Variants in UBE3D observed in about 807,000 individuals in gnomAD.
UBE3D encodes ubiquitin protein ligase E3D, also known as E3 ubiquitin-protein ligase E3D.
In UBE3D, 48 loss-of-function variants were observed where a neutral mutation model predicts 49.6. The ratio of observed to expected loss-of-function variants is 0.97; its 90% CI spans 0.77 to 1.23. The LOEUF is 1.23. UBE3D is among the 50% of genes most tolerant of loss of function. The pLI, the probability that UBE3D is intolerant of heterozygous loss-of-function variation, is 0.00. For synonymous variants in UBE3D, 189 were observed against 174.2 expected (o/e 1.08, Z -0.67); for missense variants, 452 against 468.4 (o/e 0.96, Z 0.32).
intron 9 of UBE3D, among the ~76,000 whole-genome samples, chr6:82,923,002 C>A (rs1198551654): frequency 1.3e-5 from 2 of 152,176 alleles, no homozygotes; most frequent in African/African-American, 4.8e-5. Context: ...ATCAAAACCA[C>A]AATGAGATAC....
intron 8 of UBE3D, among the ~76,000 whole-genome samples, chr6:83,014,126 G>A (rs556735052): frequency 1.1e-4 from 17 of 152,354 alleles, no homozygotes; most frequent in African/African-American, 1.9e-4. Flanking sequence ...ATCTGGTACT[G>A]CAGTTGCAAT....
chr6:83,059,906 CAGG>C (rs1366779991), intron 1 of UBE3D, among the ~76,000 whole-genome samples: 1 of 152,160 alleles, frequency 6.6e-6, no homozygotes, highest in African/African-American at 2.4e-5. Flanking sequence ...GAAATCTGAA[CAGG>C]AGGTGAGGCC....
chr6:82,993,121 G>GGAGAGA lies in UBE3D; in HGVS notation c.1010+25846_1010+25851dup, dbSNP rs376760223. Among the ~76,000 whole-genome samples, 8 of 149,900 alleles carry GGAGAGA rather than the reference G, an allele frequency of 5.3e-5. No individual in the cohort carries two copies. The South Asian group carries it at 1.1e-3, about 20-fold the overall frequency. On this transcript the variant is annotated intron_variant, in intron 8 of 9. Transcript: ENST00000369747. ...ACAGAGAAAGAAACGGGGTCGGGGG[G>GGAGAGA]GAGAGAGAGAGAGAGAGAGACAGAG...
intron 8 of UBE3D, among the ~76,000 whole-genome samples, chr6:83,002,427 G>A (rs952766424): frequency 1.3e-5 from 2 of 152,178 alleles, no homozygotes; most frequent in African/African-American, 4.8e-5. Context: ...GCTCACCCCT[G>A]TAATCCCAGC....
intron 1 of UBE3D, among the ~76,000 whole-genome samples, chr6:83,063,412 T>TAAAAAAAAAAAAAAAAA (rs201669450): frequency 7.0e-4 from 32 of 45,454 alleles, no homozygotes; most frequent in African/African-American, 1.1e-3. Flanking sequence ...AGACGCTGTC[T>TAAAAAAAAAAAAAAAAA]AAAAAAAAAA....
intron 5 of UBE3D, among the ~76,000 whole-genome samples, chr6:83,035,303 T>A (rs1413772093): frequency 6.6e-6 from 1 of 152,212 alleles, no homozygotes; most frequent in East Asian, 1.9e-4. Context: ...TCTCCTTTAT[T>A]GTACACCTTG....
intron 5 of UBE3D, among the ~76,000 whole-genome samples, chr6:83,026,820 T>C (rs928757393): frequency 1.3e-5 from 2 of 152,002 alleles, no homozygotes; most frequent in Admixed American, 1.3e-4. Flanking sequence ...GCCTCCTGAG[T>C]AGCTAGCACT....
intron 9 of UBE3D, among the ~76,000 whole-genome samples, chr6:82,913,902 T>C (rs991063758): frequency 6.6e-6 from 1 of 152,226 alleles, no homozygotes; most frequent in African/African-American, 2.4e-5. Context: ...AAGCTAAAAA[T>C]GAATAAATGG....
At chr6:82,997,253 A>G (rs970826090) in intron 8 of UBE3D, among the ~76,000 whole-genome samples, 1 of 152,200 alleles carries the variant, frequency 6.6e-6, no homozygotes, top group Non-Finnish European at 1.5e-5. Flanking sequence ...GCAGAATTGT[A>G]TCAAAGAAAA....
At chr6:82,891,941 C>T (rs13197124), downstream of UBE3D, among the ~76,000 whole-genome samples, 15,239 of 152,108 alleles carry the variant, frequency 0.1, 1,069 homozygotes, top group Non-Finnish European at 0.15. Flanking sequence ...GCAGGCAAAT[C>T]GCTTGAACCC....
intron 8 of UBE3D, among the ~76,000 whole-genome samples, chr6:83,001,600 CT>C (rs1779641327): frequency 6.6e-6 from 1 of 152,174 alleles, no homozygotes; most frequent in Non-Finnish European, 1.5e-5. Flanking sequence ...GCAATATCTT[CT>C]TACAGGCAAT....
chr6:82,949,819 G>A (rs1582440212), intron 9 of UBE3D, among the ~76,000 whole-genome samples: 1 of 152,094 alleles, frequency 6.6e-6, no homozygotes, highest in Non-Finnish European at 1.5e-5. Context: ...ATATGCAGAA[G>A]AATGAAACTA....
chr6:82,891,287 A>C (rs887460514), downstream of UBE3D, among the ~76,000 whole-genome samples: 2 of 152,156 alleles, frequency 1.3e-5, no homozygotes, highest in Non-Finnish European at 2.9e-5. Flanking sequence ...GTGCTAATGG[A>C]ATCTAGTGGG....
rs1229595403 is a variant in UBE3D, at chr6:83,019,038, A to C, written c.945T>G (p.Asp315Glu). ...TGACAGCACTCCAGGCAGAACTAGAATCGGCTTTGAATGTGTTTTCCAACA... is the reference window on the plus strand; with the variant it reads ...TGACAGCACTCCAGGCAGAACTAGACTCGGCTTTGAATGTGTTTTCCAACA... ...FPLLENTFKA[D>E]SSSAWSAVKV... Residue 315 changes from aspartate (D) to glutamate (E), a missense_variant, in exon 8 of 10, where the codon GAT becomes GAG. By Grantham distance (45) the Asp-to-Glu change is conservative. Coordinates refer to ENST00000369747, the MANE Select transcript of UBE3D (RefSeq NM_198920.3). The C allele has an allele frequency of 1.2e-6, 2 of 1,613,822 alleles. No individual in the cohort carries two copies. Among genetic ancestry groups the C allele is most frequent in the South Asian group, 1.1e-5 (1 of 91,048 alleles).
At chr6:82,985,008 C>CCTTTT (rs1442501883) in intron 8 of UBE3D, among the ~76,000 whole-genome samples, 7 of 52,992 alleles carry the variant, frequency 1.3e-4, no homozygotes, top group African/African-American at 3.7e-4. Context: ...TCTTCTTCTT[C>CCTTTT]TTTTTTTTTT....
chr6:83,040,499 C>CAAAAAAAAAAAA (rs1275670071), intron 4 of UBE3D, among the ~76,000 whole-genome samples: 1 of 152,116 alleles, frequency 6.6e-6, no homozygotes, highest in East Asian at 1.9e-4. Flanking sequence ...CCCCCAGCCT[C>CAAAAAAAAAAAA]AAACACATGC....
chr6:82,991,338 G>C (rs1022134131), intron 8 of UBE3D, among the ~76,000 whole-genome samples: 1 of 152,084 alleles, frequency 6.6e-6, no homozygotes, highest in Admixed American at 6.5e-5. Flanking sequence ...ATACCTCCAA[G>C]GAACTCAATG....
intron 8 of UBE3D, among the ~76,000 whole-genome samples, chr6:83,000,865 A>G (rs1779581420): frequency 6.9e-6 from 1 of 145,072 alleles, no homozygotes; most frequent in African/African-American, 2.6e-5. Flanking sequence ...TTTTTTTGAG[A>G]CGGAGTCTCG....
intron 9 of UBE3D, among the ~76,000 whole-genome samples, chr6:82,921,259 T>TA (rs1773315475): frequency 6.6e-6 from 1 of 152,164 alleles, no homozygotes; most frequent in South Asian, 2.1e-4. Flanking sequence ...TGAATATTTT[T>TA]AAAAAATCTT....
Sources: gnomAD v4.1 joint callset for allele counts (sites outside exome capture counted in the v4.1 genomes callset) on GRCh38, gnomAD v4.1.1 for gene constraint, MANE v1.5 for transcripts, NCBI Gene and HGNC (gene_info 2026-07-23, HGNC 2026-07-21) for gene names.